The following SSBP3 variants were observed in gnomAD, a reference collection of about 807,000 sequenced individuals.
SSBP3 encodes single stranded DNA binding protein 3.
A neutral mutation model predicts 69.6 loss-of-function variants in SSBP3; 5 were observed. The ratio of observed to expected loss-of-function variants is 0.07; its 90% CI spans 0.04 to 0.15. The LOEUF is 0.15. Ranked by LOEUF, SSBP3 falls within the 10% of genes least tolerant of loss-of-function variation. The pLI is 1.00. For missense variants in SSBP3, 312 were observed against 534.0 expected (o/e 0.58, Z 4.10); for synonymous variants, 196 against 193.4 (o/e 1.01, Z -0.11).
intron 4 of SSBP3, among the ~76,000 whole-genome samples, chr1:54,286,134 C>T (rs533943256): frequency 3.3e-5 from 5 of 152,148 alleles, no homozygotes; most frequent in Admixed American, 1.3e-4. Context: ...TAAACACTAC[C>T]GAGAGACCTG....
intron 4 of SSBP3, among the ~76,000 whole-genome samples, chr1:54,327,277 CAACAAG>C (rs1234954628): frequency 6.9e-5 from 9 of 130,278 alleles, no homozygotes; most frequent in Admixed American, 6.9e-4. Context: ...AGGAAAACAA[CAACAAG>C]AACAACAACA....
chr1:54,253,188 TTTTG>T (rs1329184947), intron 7 of SSBP3, among the ~76,000 whole-genome samples: 9 of 142,920 alleles, frequency 6.3e-5, no homozygotes, highest in African/African-American at 2.3e-4. Flanking sequence ...TTTTTTTAGT[TTTTG>T]TTTTTTTTTT....
At chr1:54,361,890 C>T (rs758099845) in intron 4 of SSBP3, among the ~76,000 whole-genome samples, 4 of 152,190 alleles carry the variant, frequency 2.6e-5, no homozygotes, top group Non-Finnish European at 4.4e-5. Flanking sequence ...GTGTTGTCAT[C>T]GTCCTTCCGC....
intron 1 of SSBP3, chr1:54,405,299 A>C: frequency 3.3e-6 from 1 of 299,750 alleles, no homozygotes. Flanking sequence ...GTCCGAGGAG[A>C]CTCGGCCCTG....
chr1:54,242,344 C>A lies in SSBP3; in HGVS notation c.717-132G>T, dbSNP rs539178152. 74 of 997,290 alleles carry A rather than the reference C, an allele frequency of 7.4e-5. No individual in the cohort carries two copies. In the South Asian group the frequency reaches 8.0e-4, roughly 11 times the overall value. 61.8% of individuals were successfully genotyped at this position (997,290 alleles called of 1,614,324 possible). A position where few individuals can be genotyped will look rare whatever the true frequency, so the allele number is the denominator to read the frequency against. ...CTTCCTACAGCCCTGCGGTTTAGAG[C>A]CTTCTGGCTCAGGGCAGTAATGGGT... On this transcript the variant is annotated intron_variant, in intron 10 of 17. Coordinates refer to ENST00000610401, the Ensembl canonical transcript of SSBP3.
intron 4 of SSBP3, among the ~76,000 whole-genome samples, chr1:54,366,928 C>T (rs1379131529): frequency 6.6e-6 from 1 of 152,196 alleles, no homozygotes; most frequent in African/African-American, 2.4e-5. Context: ...CTTCCCCCTC[C>T]CATTTACAAC....
chr1:54,227,271 TG>T (rs1426311892), intron 17 of SSBP3, 111 bp from the exon 18 acceptor site: 11 of 731,778 alleles, frequency 1.5e-5, no homozygotes, highest in Non-Finnish European at 2.2e-5. Context: ...AGGGCTCATT[TG>T]GGGATGTGGT....
intron 4 of SSBP3, among the ~76,000 whole-genome samples, chr1:54,369,719 GA>G (rs1389840056): frequency 6.6e-6 from 1 of 151,586 alleles, no homozygotes; most frequent in Non-Finnish European, 1.5e-5. Flanking sequence ...AACAGAATCA[GA>G]TACTCAGACT....
intron 11 of SSBP3, 85 bp downstream of exon 11, chr1:54,242,079 G>A: frequency 1.3e-6 from 2 of 1,488,410 alleles, no homozygotes; most frequent in Non-Finnish European, 1.9e-6. Flanking sequence ...CACTTCCCGT[G>A]ACACCTACAC....
intron 5 of SSBP3, among the ~76,000 whole-genome samples, chr1:54,273,058 G>A (rs1645223181): frequency 6.6e-6 from 1 of 152,248 alleles, no homozygotes; most frequent in African/African-American, 2.4e-5. Context: ...GACGTGGTGT[G>A]TAGCCCAGCT....
intron 4 of SSBP3, among the ~76,000 whole-genome samples, chr1:54,355,718 T>C (rs1284920321): frequency 6.6e-6 from 1 of 151,960 alleles, no homozygotes; most frequent in African/African-American, 2.4e-5. Context: ...ACTAAAGGAG[T>C]TATCTTAAAG....
At chr1:54,301,562 T>TCCCACGCGGGGA (rs1553134473) in intron 4 of SSBP3, among the ~76,000 whole-genome samples, 2 of 152,054 alleles carry the variant, frequency 1.3e-5, no homozygotes, top group African/African-American at 4.8e-5. Context: ...CAACTCTCCC[T>TCCCACGCGGGGA]CCCACGCGGG....
intron 4 of SSBP3, 46 bp downstream of exon 4, chr1:54,401,815 T>C (rs1187054890): frequency 2.0e-6 from 3 of 1,527,344 alleles, no homozygotes; most frequent in Admixed American, 3.4e-5. Context: ...AAGTTAGAGC[T>C]ATCCAACCCT....
intron 4 of SSBP3, among the ~76,000 whole-genome samples, chr1:54,359,579 C>T (rs572647665): frequency 6.6e-6 from 1 of 152,328 alleles, no homozygotes; most frequent in South Asian, 2.1e-4. Context: ...CATAAGGTTT[C>T]CCTGGCATCC....
At chr1:54,233,586 T>G (rs1322152602) in intron 14 of SSBP3, among the ~76,000 whole-genome samples, 14 of 97,464 alleles carry the variant, frequency 1.4e-4, no homozygotes, top group South Asian at 3.6e-4. Flanking sequence ...GGGAGGGAGG[T>G]GGGGGGGTCA....
At chr1:54,229,031 T>C (rs1288453129) in intron 14 of SSBP3, among the ~76,000 whole-genome samples, 13 of 152,178 alleles carry the variant, frequency 8.5e-5, no homozygotes, top group Non-Finnish European at 1.8e-4. Flanking sequence ...GAGGTGCTCA[T>C]TCCAATGACC....
chr1:54,233,384 CAG>C (rs1644420146), intron 14 of SSBP3, among the ~76,000 whole-genome samples: 1 of 149,242 alleles, frequency 6.7e-6, no homozygotes, highest in Admixed American at 6.6e-5. Context: ...CTCTGCCCGG[CAG>C]CTGCCCCGTC....
intron 14 of SSBP3, among the ~76,000 whole-genome samples, chr1:54,233,730 C>A (rs1332499578): frequency 3.4e-5 from 5 of 148,936 alleles, no homozygotes; most frequent in South Asian, 2.2e-4. Flanking sequence ...GTCAGCCCCC[C>A]GCCCAGCCAG....
intron 4 of SSBP3, among the ~76,000 whole-genome samples, chr1:54,374,823 C>T (rs17101278): frequency 1.3e-5 from 2 of 152,122 alleles, no homozygotes; most frequent in Non-Finnish European, 2.9e-5. Flanking sequence ...TAACTGACTT[C>T]CAGAGCATGA....
Sources: gnomAD v4.1 joint callset for allele counts (sites outside exome capture counted in the v4.1 genomes callset) on GRCh38, gnomAD v4.1.1 for gene constraint, MANE v1.5 for transcripts, NCBI Gene and HGNC (gene_info 2026-07-23, HGNC 2026-07-21) for gene names.